ATAD2: variants seen among roughly 807,000 people sequenced by gnomAD.
ATAD2 encodes ATPase family AAA domain-containing protein 2.
In ATAD2, 62 loss-of-function variants were observed where a neutral mutation model predicts 168.9. That is an observed-to-expected ratio of 0.37 (90% CI 0.30 to 0.45). ATAD2 has a LOEUF of 0.45. Among genes scored for constraint, ATAD2 ranks in the 20% least tolerant of loss-of-function variants. The pLI is 1.00. For synonymous variants in ATAD2, 613 were observed against 571.6 expected (o/e 1.07, Z -1.03); for missense variants, 1,419 against 1,667.8 (o/e 0.85, Z 2.60).
chr8:123,328,175 T>C lies in ATAD2; in HGVS notation c.3868+15A>G, dbSNP rs1827664017. 7.4e-7 allele frequency: 1 copy of C among 1,360,142 alleles called. No individual in the cohort carries two copies. The highest frequency in any genetic ancestry group is 2.7e-5 in the East Asian group (1 of 36,932). 84.3% of individuals were successfully genotyped at this position (1,360,142 alleles called of 1,614,324 possible). ...TTTTAAAATCAGTAAATTATTTTAA[T>C]TGAAAAAGACGTACCTTTTCCTTCA... On this transcript the variant is annotated intron_variant, in intron 25 of 27. Coordinates refer to ENST00000287394, the MANE Select transcript of ATAD2 (RefSeq NM_014109.4).
intron 18 of ATAD2, 116 bp downstream of exon 18, chr8:123,345,970 T>C: frequency 1.2e-6 from 1 of 836,034 alleles, no homozygotes; most frequent in African/African-American, 1.8e-5. Flanking sequence ...CTCTGTTTTG[T>C]AAACCTAAAG....
chr8:123,329,047 C>T (rs561383173), intron 24 of ATAD2, among the ~76,000 whole-genome samples: 5 of 152,068 alleles, frequency 3.3e-5, no homozygotes, highest in South Asian at 4.2e-4. Context: ...GTGATCCGCC[C>T]GCCTCGGCCT....
rs1314347275 is a variant in ATAD2, at chr8:123,345,029, T to C, written c.2573A>G (p.Tyr858Cys). 6.2e-7 allele frequency: 1 copy of C among 1,613,678 alleles called. No homozygotes were observed. The highest frequency in any genetic ancestry group is 1.3e-5 in the African/African-American group (1 of 74,924). ...CCACCACACGTGGATATGAGGAACATACACTATACTTGGTGCTGTTCTCTT... is the reference window on the plus strand; with the variant it reads ...CCACCACACGTGGATATGAGGAACACACACTATACTTGGTGCTGTTCTCTT... ...EAKRTAPSIVYVPHIHVWWEI... is the reference protein window; with the variant it reads ...EAKRTAPSIVCVPHIHVWWEI... The change falls in exon 19 of 28, where the codon TAT becomes TGT. Residue 858 changes from tyrosine (Y) to cysteine (C), a missense_variant. Transcript: ENST00000287394.
At chr8:123,385,764 T>C (rs973368249) in intron 1 of ATAD2, among the ~76,000 whole-genome samples, 1 of 152,002 alleles carries the variant, frequency 6.6e-6, no homozygotes, top group African/African-American at 2.4e-5. Flanking sequence ...ATAAGGTATA[T>C]AAGGTTTTAT....
intron 25 of ATAD2, among the ~76,000 whole-genome samples, chr8:123,327,117 C>T (rs186593959): frequency 4.5e-4 from 68 of 152,180 alleles, no homozygotes; most frequent in African/African-American, 1.6e-3. Context: ...CCATATAGGC[C>T]AGGCTGGTCT....
intron 24 of ATAD2, 106 bp from the exon 25 acceptor site, chr8:123,328,685 A>G (rs1416196602): frequency 8.7e-7 from 1 of 1,155,490 alleles, no homozygotes; most frequent in Non-Finnish European, 1.2e-6. Flanking sequence ...GAGAAACCAC[A>G]GTATTTTGTA....
Position 123,356,438 on chromosome 8 carries a change from T to C in ATAD2, c.1597A>G (p.Ile533Val). The C allele has an allele frequency of 6.2e-7, 1 of 1,612,116 alleles. No homozygotes were observed. The highest frequency in any genetic ancestry group is 2.2e-5 in the East Asian group (1 of 44,802). ...GACCGTACTGGAGCCAGACCATCAA[T>C]TTCGTCAAAAAAAATAATTGATGGG... is the stretch of plus-strand genomic sequence containing the variant. ...MRPSIIFFDE[I>V]DGLAPVRSSR... Residue 533 changes from isoleucine (I) to valine (V), a missense_variant, in exon 13 of 28, where the codon ATT becomes GTT. Ile to Val is a conservative substitution (Grantham distance 29). This residue lies in a region of ATAD2 where 545 missense variants were observed against 724.9 expected (regional missense o/e 0.75). Transcript: ENST00000287394.
chr8:123,340,341 T>C (rs758528823), intron 19 of ATAD2, among the ~76,000 whole-genome samples: 9 of 152,136 alleles, frequency 5.9e-5, no homozygotes, highest in Non-Finnish European at 1.3e-4. Flanking sequence ...CTACAAGATA[T>C]TGGAAACTCA....
At chr8:123,387,715 G>C (rs1358236644) in intron 1 of ATAD2, among the ~76,000 whole-genome samples, 1 of 152,080 alleles carries the variant, frequency 6.6e-6, no homozygotes, top group East Asian at 1.9e-4. Flanking sequence ...CAACCTTGCA[G>C]AATCAGTAAG....
intron 1 of ATAD2, among the ~76,000 whole-genome samples, chr8:123,387,871 G>T (rs182010703): frequency 5.3e-5 from 8 of 152,192 alleles, no homozygotes; most frequent in South Asian, 4.2e-4. Flanking sequence ...AGCATGTTTG[G>T]GGGGGAGGTC....
intron 1 of ATAD2, among the ~76,000 whole-genome samples, chr8:123,392,135 C>T (rs1422128432): frequency 6.6e-6 from 1 of 152,064 alleles, no homozygotes. Flanking sequence ...GAACAATCAA[C>T]AACAAATATT....
intron 20 of ATAD2, among the ~76,000 whole-genome samples, chr8:123,338,509 T>TTAAACAACCAACAGG (rs1827980342): frequency 1.3e-5 from 2 of 152,228 alleles, no homozygotes; most frequent in African/African-American, 2.4e-5. Flanking sequence ...AACAGGTTAT[T>TTAAACAACCAACAGG]TTGTTTAAAT....
Position 123,369,746 on chromosome 8 carries a change from G to A in ATAD2, c.931+75C>T. 2.3e-6 allele frequency: 3 copies of A among 1,279,620 alleles called. No individual in the cohort carries two copies. In the South Asian group the frequency reaches 4.1e-5, roughly 17 times the overall value. 79.3% of individuals were successfully genotyped at this position (1,279,620 alleles called of 1,614,324 possible). On this transcript the variant is annotated intron_variant, in intron 7 of 27. Coordinates refer to ENST00000287394, the MANE Select transcript of ATAD2 (RefSeq NM_014109.4). ...AATATGAAAAATACCAAAAAGACAAGAATAACAGAGAAGAAACAGGAAATA... is the reference window on the plus strand; with the variant it reads ...AATATGAAAAATACCAAAAAGACAAAAATAACAGAGAAGAAACAGGAAATA...
rs1563868733 is a variant in ATAD2 at position 123,396,399 on chromosome 8, A to ATCCAGC, written c.-48_-43dup. ...CCTCGGCGTGCGCGACCGGAGAGAG[A>ATCCAGC]TCCAGCTCCAGGCGCTCGCAGCTCT... On this transcript the variant is annotated 5_prime_UTR_variant, in exon 1 of 28. Transcript: ENST00000287394. 2.7e-6 allele frequency: 4 copies of ATCCAGC among 1,508,082 alleles called. No homozygotes were observed. Among genetic ancestry groups the ATCCAGC allele is most frequent in the Non-Finnish European group, 3.5e-6 (4 of 1,131,004 alleles). The allele number at this position is 1,508,082 out of a possible 1,614,324, so 93.4% of individuals were successfully genotyped here.
At chr8:123,401,483 G>A in intron 1 of ATAD2, 2 of 1,570,924 alleles carry the variant, frequency 1.3e-6, no homozygotes, top group East Asian at 2.3e-5. Context: ...GGGGGAACGT[G>A]GTGACAGCAG....
chr8:123,335,126 A>C (rs572627149), intron 22 of ATAD2, among the ~76,000 whole-genome samples: 18 of 152,178 alleles, frequency 1.2e-4, no homozygotes, highest in Non-Finnish European at 1.3e-4. Context: ...GTCCTTTAGG[A>C]GATTCTGATG....
intron 23 of ATAD2, 74 bp downstream of exon 23, chr8:123,334,126 C>T (rs1413592779): frequency 6.5e-7 from 1 of 1,540,956 alleles, no homozygotes; most frequent in Non-Finnish European, 8.7e-7. Flanking sequence ...TTTTCAGATG[C>T]TTCTGAAATT....
At chr8:123,390,488 T>C (rs1829798653) in intron 1 of ATAD2, among the ~76,000 whole-genome samples, 1 of 152,188 alleles carries the variant, frequency 6.6e-6, no homozygotes, top group Non-Finnish European at 1.5e-5. Flanking sequence ...GGGAACACCA[T>C]TCACTGCCAC....
In ATAD2 at chr8:123,347,121, T is replaced by A; in HGVS notation, c.2183A>T (p.Glu728Val). ...GTCTAATGTTTTATTTGTTCTGAAT[T>A]CTGCATGTGGAAATACTCTCTGCAG... ...EALQRVFPHA[E>V]FRTNKTLDSD... The change falls in exon 16 of 28, where the codon GAA becomes GTA. Residue 728 changes from glutamate to valine, a missense_variant. By Grantham distance (121) the Glu-to-Val change is moderately radical (BLOSUM62 -2). Around this residue, in one of 5 missense-constraint regions of ATAD2, gnomAD observed 545 missense variants for 724.9 expected, o/e 0.75. Coordinates refer to ENST00000287394, the MANE Select transcript of ATAD2 (RefSeq NM_014109.4). The A allele has an allele frequency of 6.2e-7, 1 of 1,613,304 alleles. No individual in the cohort carries two copies. The highest frequency in any genetic ancestry group is 2.2e-5 in the East Asian group (1 of 44,876).
Sources: allele counts gnomAD v4.1 joint callset (sites outside exome capture counted in the v4.1 genomes callset), GRCh38; gene constraint gnomAD v4.1.1; regional missense constraint gnomAD v4.1.1; transcripts MANE v1.5; gene names NCBI Gene and HGNC (gene_info 2026-07-23, HGNC 2026-07-21).